The following CD81 variants were observed in gnomAD, a reference collection of about 807,000 sequenced individuals.
CD81 encodes the protein CD81 molecule, also known as CD81 antigen.
Under a neutral mutation model 30.1 loss-of-function variants are expected in CD81, and 10 were observed. That is an observed-to-expected ratio of 0.33 (90% confidence interval 0.21 to 0.56). The LOEUF is 0.56. Ranked by LOEUF, CD81 falls within the 20% of genes least tolerant of loss-of-function variation. The probability of loss-of-function intolerance (pLI) is 0.89; values close to 1 mark genes in which losing one functional copy is unlikely to be tolerated. For synonymous variants in CD81, 147 were observed against 126.4 expected, an observed-to-expected ratio of 1.16 and a Z score of -1.10; for missense variants, 263 against 308.7, an observed-to-expected ratio of 0.85 and a Z score of 1.11.
chr11:2,387,352 T>C (rs936986751), intron 1 of CD81, among the ~76,000 whole-genome samples: 1 of 152,208 alleles, frequency 6.6e-6, no homozygotes, highest in South Asian at 2.1e-4. Context: ...CACTCTGTCC[T>C]GGAACAGCTC....
chr11:2,382,329 G>C (rs1371526594), intron 1 of CD81: 1 of 152,406 alleles, frequency 6.6e-6, no homozygotes, highest in African/African-American at 2.4e-5. Flanking sequence ...GATGTGGGTG[G>C]CCCAGCAGGG....
At chr11:2,379,955 G>A (rs759955943) in intron 1 of CD81, among the ~76,000 whole-genome samples, 1 of 152,140 alleles carries the variant, frequency 6.6e-6, no homozygotes, top group Non-Finnish European at 1.5e-5. Context: ...CATGGGCTTG[G>A]GCCTCCTTGG....
rs775538716 is a variant in CD81, at chr11:2,396,917, C to T, written c.*51C>T. On this transcript the variant is annotated 3_prime_UTR_variant, in exon 8 of 8. Transcript: ENST00000263645. ...CCTCTGCAGTGCCCCCTAAGTGACC[C>T]GGACACTTCCGAGGGGGCCATCACC... The T allele has an allele frequency of 1.9e-5, 29 of 1,536,032 alleles. No individual in the cohort carries two copies. Among genetic ancestry groups the T allele is most frequent in the South Asian group, 5.6e-5 (5 of 89,492 alleles).
chr11:2,394,754 G>C (rs1258567532), intron 3 of CD81: 1 of 631,834 alleles, frequency 1.6e-6, no homozygotes, highest in East Asian at 2.8e-5. Flanking sequence ...GCCTGGTGCC[G>C]CGTGGGGACA....
chr11:2,378,832 G>A lies in CD81; in HGVS notation c.66+1217G>A, dbSNP rs533919472. 6.6e-6 allele frequency among the ~76,000 whole-genome samples: 1 copy of A among 152,368 alleles called. No individual in the cohort carries two copies. The highest frequency in any genetic ancestry group is 2.4e-5 in the African/African-American group (1 of 41,586). ...TTTTTAAATGGCCCCTGGAGCCAGT[G>A]TGTGGGACCAGAGACATCTGTTTCC... On this transcript the variant is annotated intron_variant, in intron 1 of 7. Coordinates refer to ENST00000263645, the MANE Select transcript of CD81 (RefSeq NM_004356.4). The surrounding 1 kb of genome is among the most constrained non-coding windows in gnomAD (Gnocchi z 4.9).
intron 1 of CD81, 97 bp from the exon 2 acceptor site, chr11:2,390,315 G>A: frequency 1.0e-6 from 1 of 955,032 alleles, no homozygotes; most frequent in Non-Finnish European, 1.7e-6. Flanking sequence ...TCGGGAGCCA[G>A]CAAGGCAGGA....
At chr11:2,379,689 C>T (rs1849672502) in intron 1 of CD81, among the ~76,000 whole-genome samples, 1 of 152,002 alleles carries the variant, frequency 6.6e-6, no homozygotes, top group Non-Finnish European at 1.5e-5. Flanking sequence ...GGGTGGAGAC[C>T]TGACACATCC....
At chr11:2,386,941 C>A (rs1033406159) in intron 1 of CD81, among the ~76,000 whole-genome samples, 2 of 152,370 alleles carry the variant, frequency 1.3e-5, no homozygotes, top group Middle Eastern at 3.4e-3. Context: ...GGCAGCCTCC[C>A]CATACGGCCC....
rs748078366 is a variant in CD81, at chr11:2,396,918, G to A, written c.*52G>A. On this transcript the variant is annotated 3_prime_UTR_variant, in exon 8 of 8. Transcript: ENST00000263645. ...CTCTGCAGTGCCCCCTAAGTGACCCGGACACTTCCGAGGGGGCCATCACCG... is the reference window on the plus strand; with the variant it reads ...CTCTGCAGTGCCCCCTAAGTGACCCAGACACTTCCGAGGGGGCCATCACCG... 1.1e-4 allele frequency: 168 copies of A among 1,547,524 alleles called. No homozygotes were observed. The highest frequency in any genetic ancestry group is 2.6e-4 in the South Asian group (23 of 89,696).
intron 1 of CD81, among the ~76,000 whole-genome samples, chr11:2,388,714 G>A (rs1180471935): frequency 1.3e-5 from 2 of 149,586 alleles, no homozygotes; most frequent in African/African-American, 5.1e-5. Flanking sequence ...TCTCCGCCAG[G>A]GGGGTTGTGC....
chr11:2,377,659 C>A lies in CD81; in HGVS notation c.66+44C>A. ...GCCGGGGCGGGAGGGGGCAGGCACA[C>A]ACTCCACGTTGGGCAGGTCCCGCGG... On this transcript the variant is annotated intron_variant, in intron 1 of 7. Coordinates refer to ENST00000263645, the MANE Select transcript of CD81 (RefSeq NM_004356.4). The surrounding 1 kb of genome is among the most constrained non-coding windows in gnomAD (Gnocchi z 7.7). 1 of 1,350,500 alleles carries A rather than the reference C, an allele frequency of 7.4e-7. No individual in the cohort carries two copies. The highest frequency in any genetic ancestry group is 1.0e-6 in the Non-Finnish European group (1 of 984,014). 83.7% of individuals were successfully genotyped at this position (1,350,500 alleles called of 1,614,324 possible).
intron 2 of CD81, chr11:2,391,197 G>A (rs1849893116): frequency 6.1e-6 from 1 of 163,598 alleles, no homozygotes; most frequent in African/African-American, 2.4e-5. Context: ...GTGCTGGTGG[G>A]GCTCTGGGAG....
chr11:2,394,981 T>A lies in CD81; in HGVS notation c.289T>A (p.Cys97Ser). Reference protein sequence around the residue: ...SQCLLGTFFTCLVILFACEVA... With the variant: ...SQCLLGTFFTSLVILFACEVA... ...CACTGCCCGGCTCCAGTTCTTCACC[T>A]GCCTGGTCATCCTGTTTGCCTGTGA... The change falls in exon 4 of 8, where the codon TGC (cysteine) becomes AGC (serine). Residue 97 changes from cysteine (C) to serine (S), a missense_variant. Transcript: ENST00000263645. The A allele has an allele frequency of 6.2e-7, 1 of 1,612,502 alleles. No individual in the cohort carries two copies. The highest frequency in any genetic ancestry group is 8.5e-7 in the Non-Finnish European group (1 of 1,179,806).
Position 2,380,777 on chromosome 11 carries a change from T to C in CD81, c.66+3162T>C, listed in dbSNP as rs547729286. The stretch of plus-strand genomic sequence containing the variant: ...TTGCCTTCCTCATCTGTGTAATGGA[T>C]ATAAGAGTCTTCTCCTCGGGGGCTG... On this transcript the variant is annotated intron_variant, in intron 1 of 7. Transcript: ENST00000263645. Among the ~76,000 whole-genome samples, 5 of 152,128 alleles carry C rather than the reference T, an allele frequency of 3.3e-5. No homozygotes were observed. The South Asian group carries it at 1.0e-3, about 32-fold the overall frequency.
At chr11:2,394,696 C>T (rs756713390) in intron 3 of CD81, among the ~76,000 whole-genome samples, 2 of 152,220 alleles carry the variant, frequency 1.3e-5, no homozygotes, top group Non-Finnish European at 2.9e-5. Context: ...ACTCACCAGC[C>T]TGTGACCCCA....
intron 1 of CD81, chr11:2,385,805 C>A (rs757630222): frequency 3.5e-5 from 22 of 626,228 alleles, no homozygotes; most frequent in Non-Finnish European, 6.3e-5. Context: ...ACCCGTTCAC[C>A]GGTCAGTGGG....
intron 6 of CD81, chr11:2,396,226 A>G (rs1850000095): frequency 5.1e-6 from 3 of 583,414 alleles, no homozygotes; most frequent in South Asian, 1.9e-5. Flanking sequence ...CTGCACCCCC[A>G]GCTCCACGTG....
At position 2,396,014 on chromosome 11, in the gene CD81, C is replaced by T. The variant is rs763277321; in HGVS notation, c.561+44C>T. On this transcript the variant is annotated intron_variant, in intron 6 of 7. Coordinates refer to ENST00000263645, the MANE Select transcript of CD81 (RefSeq NM_004356.4). Reference sequence around the variant, plus strand: ...GCCGCGCCTGACCCCCCGCATGTCCCGCCCCTGGGTGGGGTCCTAGGGGTG... The same window carrying T: ...GCCGCGCCTGACCCCCCGCATGTCCTGCCCCTGGGTGGGGTCCTAGGGGTG... 9.2e-5 allele frequency: 126 copies of T among 1,363,290 alleles called. 1 individual carries two copies. The highest frequency in any genetic ancestry group is 8.2e-4 in the South Asian group (71 of 86,176). 84.4% of individuals were successfully genotyped at this position (1,363,290 alleles called of 1,614,324 possible).
intron 1 of CD81, among the ~76,000 whole-genome samples, chr11:2,381,229 T>A (rs1034110175): frequency 6.6e-6 from 1 of 152,202 alleles, no homozygotes; most frequent in Non-Finnish European, 1.5e-5. Context: ...CTGGCCCCAG[T>A]GAGGCTGTCC....
Sources: gnomAD v4.1 joint callset for allele counts (sites outside exome capture counted in the v4.1 genomes callset) on GRCh38, gnomAD v4.1.1 for gene constraint, Gnocchi (gnomAD v3.1) non-coding constraint, MANE v1.5 for transcripts, NCBI Gene and HGNC (gene_info 2026-07-23, HGNC 2026-07-21) for gene names.